The following SLC39A11 variants were observed in gnomAD, a reference collection of about 807,000 sequenced individuals.
SLC39A11 encodes zinc transporter ZIP11.
A neutral mutation model predicts 36.1 loss-of-function variants in SLC39A11; 33 were observed. That is an observed-to-expected ratio of 0.91 (90% CI 0.69 to 1.22). The LOEUF is 1.22. Among genes scored for constraint, SLC39A11 ranks in the 50% most tolerant of loss-of-function variants. The pLI, the probability that SLC39A11 is intolerant of heterozygous loss-of-function variation, is 0.00. For synonymous variants in SLC39A11, 166 were observed against 170.3 expected, an observed-to-expected ratio of 0.97 and a Z score of 0.20; for missense variants, 432 against 430.3, an observed-to-expected ratio of 1.00 and a Z score of -0.03.
intron 5 of SLC39A11, among the ~76,000 whole-genome samples, chr17:72,872,234 C>T (rs2146394295): frequency 6.6e-6 from 1 of 152,144 alleles, no homozygotes; most frequent in South Asian, 2.1e-4. Context: ...ATTTACAGAC[C>T]CTCTGGGGTG....
intron 5 of SLC39A11, among the ~76,000 whole-genome samples, chr17:72,915,888 A>G (rs11867726): frequency 0.15 from 23,416 of 152,118 alleles, 2,034 homozygotes; most frequent in Non-Finnish European, 0.2. Flanking sequence ...CTTTCTTTTC[A>G]TGTAAATAGA....
intron 4 of SLC39A11, among the ~76,000 whole-genome samples, chr17:73,024,075 C>A (rs1032062177): frequency 6.6e-6 from 1 of 152,180 alleles, no homozygotes; most frequent in African/African-American, 2.4e-5. Flanking sequence ...GCAGCCCCAG[C>A]GAAATAATAC....
chr17:72,749,265 C>T (rs1235278638), intron 6 of SLC39A11, among the ~76,000 whole-genome samples: 1 of 152,142 alleles, frequency 6.6e-6, no homozygotes, highest in African/African-American at 2.4e-5. Flanking sequence ...ACCAATGAAG[C>T]CGTGGTGTAG....
chr17:72,839,375 TG>T (rs2145838016), intron 6 of SLC39A11: 1 of 152,324 alleles, frequency 6.6e-6, no homozygotes, highest in South Asian at 2.1e-4. Context: ...CTGGATAATC[TG>T]GGTGGTCCCT....
At chr17:73,060,675 ATT>A (rs1266195973) in intron 3 of SLC39A11, among the ~76,000 whole-genome samples, 2 of 152,174 alleles carry the variant, frequency 1.3e-5, no homozygotes, top group African/African-American at 4.8e-5. Flanking sequence ...AATTAGGCTT[ATT>A]TAGTATACTA....
At chr17:72,851,062 A>G (rs187483407) in intron 5 of SLC39A11, among the ~76,000 whole-genome samples, 10 of 152,166 alleles carry the variant, frequency 6.6e-5, no homozygotes, top group African/African-American at 2.4e-4. Context: ...AATCAGATAT[A>G]CATCAACAAG....
At chr17:72,887,078 CTATTA>C (rs1272289697) in intron 5 of SLC39A11, among the ~76,000 whole-genome samples, 1 of 152,144 alleles carries the variant, frequency 6.6e-6, no homozygotes, top group Admixed American at 6.5e-5. Context: ...GTATCTTTGT[CTATTA>C]TCTGTCTCTT....
At chr17:72,995,528 T>C (rs943691367) in intron 4 of SLC39A11, among the ~76,000 whole-genome samples, 1 of 152,184 alleles carries the variant, frequency 6.6e-6, no homozygotes, top group African/African-American at 2.4e-5. Context: ...TTTGAATCAG[T>C]AGACTGAGTA....
chr17:72,949,317 C>T (rs117213065), intron 4 of SLC39A11, among the ~76,000 whole-genome samples: 1,734 of 151,760 alleles, frequency 0.011, 11 homozygotes, highest in Middle Eastern at 0.031. Context: ...CTCACCACCA[C>T]GCCGGGCTAA....
intron 7 of SLC39A11, among the ~76,000 whole-genome samples, chr17:72,665,340 A>G (rs4793298): frequency 0.71 from 106,007 of 148,356 alleles, 38,440 homozygotes; most frequent in African/African-American, 0.84. Flanking sequence ...CTTAACCCAT[A>G]AAAAAATTGA....
intron 7 of SLC39A11, among the ~76,000 whole-genome samples, chr17:72,664,916 C>T (rs928374937): frequency 4.6e-5 from 7 of 152,366 alleles, no homozygotes; most frequent in Non-Finnish European, 8.8e-5. Context: ...GGTCTCCTTG[C>T]TGTTCCTCCA....
chr17:72,948,720 TC>T (rs2147747318), intron 4 of SLC39A11, among the ~76,000 whole-genome samples: 1 of 152,330 alleles, frequency 6.6e-6, no homozygotes, highest in South Asian at 2.1e-4. Flanking sequence ...TTTGACTGTT[TC>T]GCATTAACCA....
At chr17:72,766,766 G>A (rs1216871016) in intron 6 of SLC39A11, among the ~76,000 whole-genome samples, 1 of 152,166 alleles carries the variant, frequency 6.6e-6, no homozygotes, top group Non-Finnish European at 1.5e-5. Flanking sequence ...TCTTGGACAA[G>A]CACTGTCATT....
At position 72,995,877 on chromosome 17, in the gene SLC39A11, T is replaced by G. The variant is rs370482864; in HGVS notation, c.306+35679A>C. 6.9e-4 allele frequency among the ~76,000 whole-genome samples: 105 copies of G among 152,266 alleles called. 1 individual carries two copies. In the South Asian group the frequency reaches 0.018, roughly 26 times the overall value. On this transcript the variant is annotated intron_variant, in intron 4 of 9. Transcript: ENST00000255559. ...CTCCCCCCGCCCAATGAATCCTGAC[T>G]AATATACTCCTCAAGCCAAAAATAA...
chr17:73,042,599 G>A lies in SLC39A11; in HGVS notation c.148-10885C>T, dbSNP rs1351080134. 2.6e-5 allele frequency among the ~76,000 whole-genome samples: 4 copies of A among 152,272 alleles called. No individual in the cohort carries two copies. The East Asian group carries it at 5.8e-4, about 22-fold the overall frequency. ...GCAGATCGCCTGAGGTCAGGAGTTC[G>A]AGACCAGCATGGCCAACGTGGTGAA... is the stretch of plus-strand genomic sequence containing the variant. On this transcript the variant is annotated intron_variant, in intron 3 of 9. Transcript: ENST00000255559.
At position 73,000,007 on chromosome 17, in the gene SLC39A11, G is replaced by C. The variant is rs143821072; in HGVS notation, c.306+31549C>G. Among the ~76,000 whole-genome samples, 30 of 152,264 alleles carry C rather than the reference G, an allele frequency of 2.0e-4. No individual in the cohort carries two copies. In the East Asian group the frequency reaches 5.8e-3, roughly 29 times the overall value. ...TCCACCCACCTCAGCCTCCCAAAGT[G>C]CTGGGATTACAGGCCTGAGCCACCA... On this transcript the variant is annotated intron_variant, in intron 4 of 9. Coordinates refer to ENST00000255559, the MANE Select transcript of SLC39A11 (RefSeq NM_139177.4).
intron 6 of SLC39A11, among the ~76,000 whole-genome samples, chr17:72,780,530 G>GC (rs2076279550): frequency 9.0e-6 from 1 of 111,432 alleles, no homozygotes; most frequent in Non-Finnish European, 1.9e-5. Flanking sequence ...TGGGGGGCGG[G>GC]TGGGGGCACA....
intron 7 of SLC39A11, among the ~76,000 whole-genome samples, chr17:72,733,989 C>T (rs570188896): frequency 2.6e-5 from 4 of 152,266 alleles, no homozygotes; most frequent in South Asian, 2.1e-4. Context: ...ACACTGGCCC[C>T]GACCTGCTAT....
intron 7 of SLC39A11, among the ~76,000 whole-genome samples, chr17:72,720,230 G>T (rs769469872): frequency 6.6e-6 from 1 of 152,212 alleles, no homozygotes; most frequent in Non-Finnish European, 1.5e-5. Context: ...TCATGAGCAT[G>T]CACAGTCCAT....
Sources: gnomAD v4.1 joint callset for allele counts (sites outside exome capture counted in the v4.1 genomes callset) on GRCh38, gnomAD v4.1.1 for gene constraint, MANE v1.5 for transcripts, NCBI Gene and HGNC (gene_info 2026-07-23, HGNC 2026-07-21) for gene names.